PGR: variants seen among roughly 807,000 people sequenced by gnomAD.
The protein encoded by PGR is nuclear receptor subfamily 3 group C member 3.
Under a neutral mutation model 76.1 loss-of-function variants are expected in PGR, and 25 were observed. The observed-to-expected ratio is 0.33, with a 90% confidence interval of 0.24 to 0.46. The LOEUF (loss-of-function observed/expected upper bound fraction) is 0.46, where lower values mean the gene tolerates loss of function less well. PGR is among the 20% of genes least tolerant of loss of function. The pLI, the probability that PGR is intolerant of heterozygous loss-of-function variation, is 1.00. For synonymous variants in PGR, 579 were observed against 535.0 expected (o/e 1.08, Z -1.14); for missense variants, 1,172 against 1,225.3 (o/e 0.96, Z 0.65).
At chr11:101,059,220 G>A in intron 4 of PGR, among the ~76,000 whole-genome samples, 1 of 151,762 alleles carries the variant, frequency 6.6e-6, no homozygotes, top group East Asian at 1.9e-4. Flanking sequence ...TGTCTCTGAA[G>A]GCTTCTTTAG....
chr11:101,114,321 A>T (rs1862434711), intron 2 of PGR, among the ~76,000 whole-genome samples: 1 of 152,188 alleles, frequency 6.6e-6, no homozygotes, highest in South Asian at 2.1e-4. Context: ...ATTTAACACA[A>T]ATCCAGGCAC....
At chr11:101,115,828 A>G (rs1340340455) in intron 2 of PGR, among the ~76,000 whole-genome samples, 1 of 152,180 alleles carries the variant, frequency 6.6e-6, no homozygotes, top group African/African-American at 2.4e-5. Flanking sequence ...CAGGGCTGCT[A>G]CATTGCAAAA....
In PGR at chr11:101,128,983, G is replaced by A; in HGVS notation, c.88C>T (p.Arg30Cys). ...SPEVGSPLLC[R>C]PAAGPFPGSQ... ...CCCGGGAACGGACCTGCGGCTGGGC[G>A]ACACAGCAGTGGGGATCCGACCTCG... The change falls in exon 1 of 8, where the codon CGC (arginine) becomes TGC (cysteine). Residue 30 changes from arginine (R) to cysteine (C), a missense_variant. Physicochemically the swap from Arg to Cys is radical, Grantham distance 180. Coordinates refer to ENST00000325455, the MANE Select transcript of PGR (RefSeq NM_000926.4). 8 of 1,597,828 alleles carry A rather than the reference G, an allele frequency of 5.0e-6. No homozygotes were observed. The highest frequency in any genetic ancestry group is 6.8e-6 in the Non-Finnish European group (8 of 1,171,486).
chr11:101,076,981 C>T (rs1260796490), intron 3 of PGR, among the ~76,000 whole-genome samples: 1 of 115,906 alleles, frequency 8.6e-6, no homozygotes, highest in Non-Finnish European at 1.8e-5. Flanking sequence ...TCATAATTAC[C>T]TCTTTTCCAT....
At position 101,034,892 on chromosome 11, in the gene PGR, T is replaced by C. The variant is rs1467044067; in HGVS notation, c.*4224A>G. 1.1e-5 allele frequency: 2 copies of C among 182,672 alleles called. No individual in the cohort carries two copies. Among genetic ancestry groups the C allele is most frequent in the African/African-American group, 2.4e-5 (1 of 42,500 alleles). The allele number at this position is 182,672 out of a possible 1,614,324, so 11.3% of individuals were successfully genotyped here. On this transcript the variant is annotated 3_prime_UTR_variant, in exon 8 of 8. Transcript: ENST00000325455. ...AATGGTACATTAAATAGTCCACAGATGCTAGGGAGAAACAGAGATTGTTGT... is the reference window on the plus strand; with the variant it reads ...AATGGTACATTAAATAGTCCACAGACGCTAGGGAGAAACAGAGATTGTTGT...
rs2135375945 is a variant in PGR, at chr11:101,039,074, A to C, written c.*42T>G. 1 of 1,533,294 alleles carries C rather than the reference A, an allele frequency of 6.5e-7. No homozygotes were observed. The highest frequency in any genetic ancestry group is 9.0e-7 in the Non-Finnish European group (1 of 1,108,256). The allele number at this position is 1,533,294 out of a possible 1,614,324, so 95.0% of individuals were successfully genotyped here. A position where few individuals can be genotyped will look rare whatever the true frequency, so the allele number is the denominator to read the frequency against. ...TCATAATCCTGACCAAAACAAAAAG[A>C]CATACCACAAAATTTAATTCTTTAA... On this transcript the variant is annotated 3_prime_UTR_variant, in exon 8 of 8. Coordinates refer to ENST00000325455, the MANE Select transcript of PGR (RefSeq NM_000926.4).
chr11:101,129,561 C>T lies in PGR; in HGVS notation c.-491G>A, dbSNP rs1165358038. On this transcript the variant is annotated 5_prime_UTR_variant, in exon 1 of 8. Transcript: ENST00000325455. Reference sequence around the variant, plus strand: ...TCAGTCCCTCGCTGAGTTCCACTGCCCCCTCACTAAAACCCTGGGGCTAGT... The same window carrying T: ...TCAGTCCCTCGCTGAGTTCCACTGCTCCCTCACTAAAACCCTGGGGCTAGT... The T allele has an allele frequency of 5.3e-6, 1 of 189,570 alleles. No individual in the cohort carries two copies. The highest frequency in any genetic ancestry group is 8.6e-5 in the East Asian group (1 of 11,670). The allele number at this position is 189,570 out of a possible 1,614,324, so 11.7% of individuals were successfully genotyped here.
chr11:101,107,309 T>C (rs1862196161), intron 2 of PGR, among the ~76,000 whole-genome samples: 1 of 152,208 alleles, frequency 6.6e-6, no homozygotes, highest in African/African-American at 2.4e-5. Context: ...CAGCTTTTCA[T>C]CTATCTTTCC....
intron 2 of PGR, among the ~76,000 whole-genome samples, chr11:101,114,361 T>C (rs1862436403): frequency 6.6e-6 from 1 of 152,208 alleles, no homozygotes; most frequent in African/African-American, 2.4e-5. Flanking sequence ...TATAAATTAA[T>C]AAATAAGCAG....
intron 2 of PGR, among the ~76,000 whole-genome samples, chr11:101,117,884 T>C (rs1862559454): frequency 1.3e-5 from 2 of 152,176 alleles, no homozygotes; most frequent in South Asian, 2.1e-4. Flanking sequence ...AATGGTAAAT[T>C]CTACTTTTTA....
intron 2 of PGR, among the ~76,000 whole-genome samples, chr11:101,092,607 G>A (rs1401180815): frequency 6.6e-6 from 1 of 152,126 alleles, no homozygotes; most frequent in Non-Finnish European, 1.5e-5. Context: ...GGAAACTATG[G>A]ATGCCTTTAA....
chr11:101,042,047 G>A lies in PGR; in HGVS notation c.2544C>T (p.Tyr848=), dbSNP rs775073396. Reference sequence around the variant, plus strand: ...CAATTGCCTTGATGAGCTCTCTAATGTAGCTTGACCTCATCTCCTCAAACT... The same window carrying A: ...CAATTGCCTTGATGAGCTCTCTAATATAGCTTGACCTCATCTCCTCAAACT... ...QTQFEEMRSS[Y]IRELIKAIGL... The change falls in exon 7 of 8, where the codon TAC becomes TAT. Residue 848 remains tyrosine, a synonymous_variant. Coordinates refer to ENST00000325455, the MANE Select transcript of PGR (RefSeq NM_000926.4). The A allele has an allele frequency of 1.9e-6, 3 of 1,613,426 alleles. No individual in the cohort carries two copies. Among genetic ancestry groups the A allele is most frequent in the Non-Finnish European group, 1.7e-6 (2 of 1,179,572 alleles).
At position 101,031,550 on chromosome 11, in the gene PGR, G is replaced by A. The variant is rs557057142; in HGVS notation, c.*7566C>T. 4 of 226,974 alleles carry A rather than the reference G, an allele frequency of 1.8e-5. No individual in the cohort carries two copies. In the South Asian group the frequency reaches 5.5e-4, roughly 31 times the overall value. The allele number at this position is 226,974 out of a possible 1,614,324, so 14.1% of individuals were successfully genotyped here. On this transcript the variant is annotated 3_prime_UTR_variant, in exon 8 of 8. Transcript: ENST00000325455. ...GCTCCCTCCTCAGCTCCAAGGCTGT[G>A]GAGGGCTCATGAAGTCACAATGTTC...
chr11:101,102,263 G>T (rs1024121766), intron 2 of PGR, among the ~76,000 whole-genome samples: 5 of 152,164 alleles, frequency 3.3e-5, no homozygotes, highest in Non-Finnish European at 7.3e-5. Flanking sequence ...TATTAGAATT[G>T]TTTTATCAAT....
chr11:101,118,916 G>C (rs1232278322), intron 2 of PGR, among the ~76,000 whole-genome samples: 2 of 152,184 alleles, frequency 1.3e-5, no homozygotes, highest in African/African-American at 4.8e-5. Context: ...TAAAAACCAA[G>C]ATGTAAACCA....
intron 4 of PGR, among the ~76,000 whole-genome samples, chr11:101,052,660 AG>A (rs1482979578): frequency 1.3e-5 from 2 of 152,148 alleles, no homozygotes; most frequent in East Asian, 3.8e-4. Flanking sequence ...GTCTGGAGTT[AG>A]GGAGGACAGT....
chr11:101,070,256 T>C (rs73571761), intron 3 of PGR, among the ~76,000 whole-genome samples: 4,351 of 152,164 alleles, frequency 0.029, 171 homozygotes, highest in African/African-American at 0.093. Context: ...AGGGAAGCCG[T>C]GAGTGACTGT....
chr11:101,115,656 A>G (rs1205143893), intron 2 of PGR, among the ~76,000 whole-genome samples: 1 of 152,126 alleles, frequency 6.6e-6, no homozygotes, highest in East Asian at 1.9e-4. Context: ...CTGTAATCCC[A>G]GCTACTCGGG....
chr11:101,045,891 A>G (rs1476646683), intron 6 of PGR, among the ~76,000 whole-genome samples: 1 of 151,954 alleles, frequency 6.6e-6, no homozygotes, highest in Non-Finnish European at 1.5e-5. Flanking sequence ...AATGGTAGTT[A>G]TATTTATAGT....
Sources: allele counts gnomAD v4.1 joint callset (sites outside exome capture counted in the v4.1 genomes callset), GRCh38; gene constraint gnomAD v4.1.1; transcripts MANE v1.5; gene names NCBI Gene and HGNC (gene_info 2026-07-23, HGNC 2026-07-21).